Variants in PNPLA3 observed in about 807,000 individuals in gnomAD.
PNPLA3 encodes the protein patatin like domain 3, 1-acylglycerol-3-phosphate O-acyltransferase, also known as 1-acylglycerol-3-phosphate O-acyltransferase PNPLA3.
PNPLA3 carries 42 observed loss-of-function variants against 43.1 expected under a neutral mutation model. That is an observed-to-expected ratio of 0.97 (90% CI 0.76 to 1.26). The LOEUF (loss-of-function observed/expected upper bound fraction) is 1.26, where lower values mean the gene tolerates loss of function less well. Ranked by LOEUF, PNPLA3 falls within the 50% of genes most tolerant of loss-of-function variation. The pLI is 0.00. For synonymous variants in PNPLA3, 272 were observed against 253.6 expected (o/e 1.07, Z -0.69); for missense variants, 647 against 621.4 (o/e 1.04, Z -0.44).
Position 43,947,382 on chromosome 22 carries a change from A to G in PNPLA3, c.*1000A>G, listed in dbSNP as rs1362684313. ...CTCAAAAAAAAAAAATTTAAAAAAC[A>G]AAATAATCTAGTGTGCAGGGCATTC... On this transcript the variant is annotated 3_prime_UTR_variant, in exon 9 of 9. Transcript: ENST00000216180. The G allele has an allele frequency of 1.3e-5, 2 of 153,406 alleles. No homozygotes were observed. The highest frequency in any genetic ancestry group is 2.9e-5 in the Non-Finnish European group (2 of 69,152). The allele number at this position is 153,406 out of a possible 1,614,324, so 9.5% of individuals were successfully genotyped here.
At position 43,932,981 on chromosome 22, in the gene PNPLA3, T is replaced by G. The variant is rs1480094111; in HGVS notation, c.590T>G (p.Val197Gly). 6.2e-7 allele frequency: 1 copy of G among 1,613,954 alleles called. No individual in the cohort carries two copies. Among genetic ancestry groups the G allele is most frequent in the Non-Finnish European group, 8.5e-7 (1 of 1,180,016 alleles). The part of the protein sequence containing the change: ...FYGEYDICPK[V>G]KSTNFLHVDI... Reference sequence around the variant, plus strand: ...GGGGAGTACGACATCTGCCCTAAAGTCAAGTCCACGAACTTTCTTCATGTG... The same window carrying G: ...GGGGAGTACGACATCTGCCCTAAAGGCAAGTCCACGAACTTTCTTCATGTG... Residue 197 changes from valine to glycine, a missense_variant, in exon 4 of 9, where the codon GTC (valine) becomes GGC (glycine). By Grantham distance (109) the Val-to-Gly change is moderately radical (BLOSUM62 -3). Coordinates refer to ENST00000216180, the MANE Select transcript of PNPLA3 (RefSeq NM_025225.3).
At chr22:43,938,497 G>T (rs957575995) in intron 6 of PNPLA3, among the ~76,000 whole-genome samples, 1 of 152,190 alleles carries the variant, frequency 6.6e-6, no homozygotes, top group Admixed American at 6.5e-5. Flanking sequence ...CATGGCAGAA[G>T]GTGAACGGGA....
At chr22:43,946,022 C>T in intron 8 of PNPLA3, 132 bp from the exon 9 acceptor site, 2 of 820,098 alleles carry the variant, frequency 2.4e-6, no homozygotes, top group East Asian at 2.4e-5. Context: ...GAAGCTGTGT[C>T]TCTGGCTGTG....
At chr22:43,941,278 G>C (rs1183861571) in intron 7 of PNPLA3, among the ~76,000 whole-genome samples, 1 of 148,612 alleles carries the variant, frequency 6.7e-6, no homozygotes, top group East Asian at 2.0e-4. Context: ...GACTCTCCTA[G>C]AACTTCTTGA....
intron 4 of PNPLA3, among the ~76,000 whole-genome samples, chr22:43,933,738 T>G (rs2049976662): frequency 6.6e-6 from 1 of 152,232 alleles, no homozygotes; most frequent in African/African-American, 2.4e-5. Flanking sequence ...TAACCTTTTT[T>G]GATTGTGGTG....
chr22:43,931,735 C>G (rs368091646), intron 3 of PNPLA3, among the ~76,000 whole-genome samples: 1 of 152,154 alleles, frequency 6.6e-6, no homozygotes, highest in African/African-American at 2.4e-5. Flanking sequence ...AGGCTGGTCT[C>G]GAACTCCTGG....
At chr22:43,928,999 G>A in intron 3 of PNPLA3, 110 bp downstream of exon 3, 1 of 1,133,512 alleles carries the variant, frequency 8.8e-7, no homozygotes, top group Non-Finnish European at 1.3e-6. Context: ...CTGTCCCATG[G>A]TGGAGCCCCA....
intron 5 of PNPLA3, 62 bp from the exon 6 acceptor site, chr22:43,936,989 G>T (rs2049999410): frequency 1.5e-6 from 2 of 1,377,586 alleles, no homozygotes; most frequent in Admixed American, 1.8e-5. Flanking sequence ...TTGGTAGATG[G>T]GTGGGTAACG....
intron 4 of PNPLA3, among the ~76,000 whole-genome samples, chr22:43,933,892 A>T (rs530342909): frequency 6.6e-6 from 1 of 152,316 alleles, no homozygotes; most frequent in African/African-American, 2.4e-5. Context: ...GCTGTCTAAC[A>T]GGATTGGTTT....
In PNPLA3 at chr22:43,946,842, C is replaced by A; in HGVS notation, c.*460C>A. 2.2e-6 allele frequency: 1 copy of A among 447,856 alleles called. No individual in the cohort carries two copies. The highest frequency in any genetic ancestry group is 1.7e-5 in the South Asian group (1 of 59,290). The allele number at this position is 447,856 out of a possible 1,614,324, so 27.7% of individuals were successfully genotyped here. ...AAGGGGTGCAGTTCGTCCCCAAGAA[C>A]GACACTGCCTGTCAGGTGGTCTGCA... On this transcript the variant is annotated 3_prime_UTR_variant, in exon 9 of 9. Transcript: ENST00000216180.
intron 7 of PNPLA3, among the ~76,000 whole-genome samples, chr22:43,941,302 G>GAGTGGGTTTCCTCTA (rs2050029453): frequency 6.8e-6 from 1 of 147,802 alleles, no homozygotes; most frequent in Admixed American, 6.8e-5. Context: ...GGCTTCCTCT[G>GAGTGGGTTTCCTCTA]ATTGGGTTTC....
Position 43,939,977 on chromosome 22 carries a change from A to C in PNPLA3, c.980-16A>C. 1 of 1,614,190 alleles carries C rather than the reference A, an allele frequency of 6.2e-7. No homozygotes were observed. The highest frequency in any genetic ancestry group is 1.1e-5 in the South Asian group (1 of 91,080). ...CACAGTGGTGGGAGATAATAGCTCC[A>C]AATTGTCTTTTTCAGCACTGAGTGA... On this transcript the variant is annotated splice_polypyrimidine_tract_variant and intron_variant, in intron 6 of 8. Transcript: ENST00000216180.
chr22:43,931,128 CAAACA>C (rs541465269), intron 3 of PNPLA3, among the ~76,000 whole-genome samples: 1 of 150,390 alleles, frequency 6.6e-6, no homozygotes, highest in African/African-American at 2.4e-5. Context: ...CTCCGTCTCA[CAAACA>C]AAACAAAACA....
At chr22:43,927,823 G>C (rs1203304062) in intron 2 of PNPLA3, among the ~76,000 whole-genome samples, 1 of 152,132 alleles carries the variant, frequency 6.6e-6, no homozygotes, top group East Asian at 1.9e-4. Flanking sequence ...TGCCCAGGCT[G>C]GTCCCAAACT....
At chr22:43,944,037 T>A (rs927828212) in intron 7 of PNPLA3, among the ~76,000 whole-genome samples, 3 of 152,176 alleles carry the variant, frequency 2.0e-5, no homozygotes, top group Non-Finnish European at 4.4e-5. Context: ...CTGCCTGCCT[T>A]GGCCTCCCAA....
chr22:43,930,850 A>T (rs1409324228), intron 3 of PNPLA3, among the ~76,000 whole-genome samples: 1 of 152,178 alleles, frequency 6.6e-6, no homozygotes, highest in Non-Finnish European at 1.5e-5. Context: ...TGGCCACATC[A>T]GAAGACAGTT....
At chr22:43,924,652 CT>C (rs537111274) in intron 1 of PNPLA3, among the ~76,000 whole-genome samples, 224 of 145,090 alleles carry the variant, frequency 1.5e-3, no homozygotes, top group Non-Finnish European at 1.5e-3. Context: ...TTCTTTTTTT[CT>C]TTTTTTTTTT....
intron 4 of PNPLA3, 119 bp from the exon 5 acceptor site, chr22:43,934,487 A>C: frequency 2.8e-6 from 3 of 1,058,070 alleles, no homozygotes; most frequent in Non-Finnish European, 4.3e-6. Context: ...CAGTGCCCCC[A>C]GCCAGCAGAC....
chr22:43,938,521 C>T (rs2050010555), intron 6 of PNPLA3, among the ~76,000 whole-genome samples: 2 of 152,144 alleles, frequency 1.3e-5, no homozygotes, highest in Non-Finnish European at 2.9e-5. Context: ...ATGCACATCC[C>T]ATGACTGGAG....
Sources: gnomAD v4.1 joint callset for allele counts (sites outside exome capture counted in the v4.1 genomes callset) on GRCh38, gnomAD v4.1.1 for gene constraint, MANE v1.5 for transcripts, NCBI Gene and HGNC (gene_info 2026-07-23, HGNC 2026-07-21) for gene names.